PHF2: variants seen among roughly 807,000 people sequenced by gnomAD.
PHF2 encodes the protein lysine-specific demethylase PHF2.
PHF2 carries 27 observed loss-of-function variants against 120.5 expected under a neutral mutation model. That is an observed-to-expected ratio of 0.22 (90% confidence interval 0.17 to 0.31). PHF2 has a LOEUF of 0.31. Among genes scored for constraint, PHF2 ranks in the 10% least tolerant of loss-of-function variants. The probability of loss-of-function intolerance (pLI) is 1.00; values close to 1 mark genes in which losing one functional copy is unlikely to be tolerated. For synonymous variants in PHF2, 568 were observed against 592.5 expected, an observed-to-expected ratio of 0.96 and a Z score of 0.60; for missense variants, 1,024 against 1,434.8, an observed-to-expected ratio of 0.71 and a Z score of 4.63.
chr9:93,679,269 G>A lies in PHF2; in HGVS notation c.*1593G>A. The A allele has an allele frequency of 2.2e-6, 1 of 455,854 alleles. No individual in the cohort carries two copies. The highest frequency in any genetic ancestry group is 4.4e-6 in the Non-Finnish European group (1 of 226,938). 28.2% of individuals were successfully genotyped at this position (455,854 alleles called of 1,614,324 possible). A position where few individuals can be genotyped will look rare whatever the true frequency, so the allele number is the denominator to read the frequency against. ...CTGTTTGGAGGGACGCAGTCCCTAGGGCCCGAGACTGGGTGGGAGAGGGGG... is the reference window on the plus strand; with the variant it reads ...CTGTTTGGAGGGACGCAGTCCCTAGAGCCCGAGACTGGGTGGGAGAGGGGG... On this transcript the variant is annotated 3_prime_UTR_variant, in exon 22 of 22. Transcript: ENST00000359246.
intron 3 of PHF2, among the ~76,000 whole-genome samples, chr9:93,638,897 T>C (rs1451873808): frequency 6.6e-6 from 1 of 152,130 alleles, no homozygotes; most frequent in Non-Finnish European, 1.5e-5. Context: ...TTTTTGTAGT[T>C]TTAGTAGAGA....
chr9:93,638,650 C>T (rs1175069262), intron 3 of PHF2, among the ~76,000 whole-genome samples: 1 of 152,202 alleles, frequency 6.6e-6, no homozygotes, highest in Non-Finnish European at 1.5e-5. Flanking sequence ...ATGCCAGTAC[C>T]ACACAGTCTT....
intron 1 of PHF2, among the ~76,000 whole-genome samples, chr9:93,626,950 A>G (rs1331861799): frequency 6.6e-6 from 1 of 152,252 alleles, no homozygotes; most frequent in Non-Finnish European, 1.5e-5. Context: ...GTCTATCCTT[A>G]TGCCAGTGCC....
chr9:93,619,869 G>T (rs372231592), intron 1 of PHF2, among the ~76,000 whole-genome samples: 4 of 152,266 alleles, frequency 2.6e-5, no homozygotes, highest in African/African-American at 9.6e-5. Context: ...AGGTCCTGGG[G>T]TGACATTTGT....
At chr9:93,674,525 C>A (rs1826872242) in intron 18 of PHF2, among the ~76,000 whole-genome samples, 1 of 152,186 alleles carries the variant, frequency 6.6e-6, no homozygotes, top group Non-Finnish European at 1.5e-5. Flanking sequence ...GGGGTCCCAT[C>A]CTTCCCTGGT....
intron 16 of PHF2, among the ~76,000 whole-genome samples, chr9:93,666,597 C>A (rs1312130729): frequency 6.6e-6 from 1 of 152,244 alleles, no homozygotes; most frequent in Non-Finnish European, 1.5e-5. Context: ...CTCTGTCTGA[C>A]CCCAGCAATG....
At chr9:93,636,636 AAAGCAGG>A (rs1390976737) in intron 3 of PHF2, 111 bp downstream of exon 3, 4 of 842,226 alleles carry the variant, frequency 4.7e-6, no homozygotes, top group South Asian at 1.7e-5. Context: ...TCCTTGCTGG[AAAGCAGG>A]AAGCAGGAAG....
At position 93,675,812 on chromosome 9, in the gene PHF2, C is replaced by T. The variant is rs1262865542; in HGVS notation, c.2832+23C>T. The stretch of plus-strand genomic sequence containing the variant: ...CAGGTGAGGAGGGGCGAGAAGGACA[C>T]ACGGCAGCCAGGTCCCTGCTACCCC... On this transcript the variant is annotated intron_variant, in intron 20 of 21. Coordinates refer to ENST00000359246, the MANE Select transcript of PHF2 (RefSeq NM_005392.4). 2.5e-6 allele frequency: 4 copies of T among 1,574,090 alleles called. No homozygotes were observed. In the East Asian group the frequency reaches 8.9e-5, roughly 35 times the overall value.
chr9:93,629,481 A>G (rs1441736523), intron 1 of PHF2, among the ~76,000 whole-genome samples: 1 of 152,108 alleles, frequency 6.6e-6, no homozygotes, highest in African/African-American at 2.4e-5. Flanking sequence ...GACATGTCCT[A>G]AGGCCAGGCT....
chr9:93,634,872 G>A (rs74421510), intron 2 of PHF2, among the ~76,000 whole-genome samples: 9,197 of 152,248 alleles, frequency 0.06, 388 homozygotes, highest in Non-Finnish European at 0.088. Flanking sequence ...ACCGCACCAG[G>A]TGGCTTTGCC....
At chr9:93,673,523 T>G in intron 17 of PHF2, 62 bp from the exon 18 acceptor site, 1 of 1,457,968 alleles carries the variant, frequency 6.9e-7, no homozygotes, top group African/African-American at 1.4e-5. Flanking sequence ...AGGCTGTTGT[T>G]TAAGTGCCTG....
Position 93,663,049 on chromosome 9 carries a change from C to T in PHF2, c.1818+23C>T, listed in dbSNP as rs1318376113. On this transcript the variant is annotated intron_variant, in intron 13 of 21. Transcript: ENST00000359246. ...AAGGTGAGAAGTGCACATATGCATG[C>T]ACACGTGTGTGTGTCAGCTTGGTGA... 3.1e-6 allele frequency: 5 copies of T among 1,613,582 alleles called. No individual in the cohort carries two copies. In the African/African-American group the frequency reaches 5.3e-5, roughly 17 times the overall value.
At chr9:93,580,184 T>G (rs1309752224) in intron 1 of PHF2, among the ~76,000 whole-genome samples, 1 of 151,830 alleles carries the variant, frequency 6.6e-6, no homozygotes, top group African/African-American at 2.4e-5. Flanking sequence ...ACTCCTGGGG[T>G]GGGGATCCTC....
At chr9:93,603,235 C>T (rs983876949) in intron 1 of PHF2, among the ~76,000 whole-genome samples, 6 of 152,126 alleles carry the variant, frequency 3.9e-5, no homozygotes, top group African/African-American at 7.2e-5. Flanking sequence ...TCTATGATCC[C>T]GGTCTGAGAA....
At chr9:93,645,207 G>A (rs1826235016) in intron 3 of PHF2, among the ~76,000 whole-genome samples, 1 of 152,180 alleles carries the variant, frequency 6.6e-6, no homozygotes, top group Non-Finnish European at 1.5e-5. Context: ...CCCTGCCATG[G>A]GGAGGCACCT....
intron 2 of PHF2, among the ~76,000 whole-genome samples, chr9:93,632,508 G>T (rs1405734928): frequency 6.6e-6 from 1 of 152,190 alleles, no homozygotes; most frequent in Non-Finnish European, 1.5e-5. Flanking sequence ...AGATCAAGGT[G>T]CTGGCTGATT....
chr9:93,672,776 A>G (rs1417710647), intron 17 of PHF2: 1 of 974,606 alleles, frequency 1.0e-6, no homozygotes, highest in East Asian at 1.2e-4. Flanking sequence ...AGATGCAGGT[A>G]TGGGTATAGG....
chr9:93,628,225 CTCTG>C (rs961653584), intron 1 of PHF2, among the ~76,000 whole-genome samples: 21 of 152,174 alleles, frequency 1.4e-4, no homozygotes, highest in African/African-American at 4.3e-4. Context: ...CTTATAGTGT[CTCTG>C]TCTGGCTTTG....
intron 1 of PHF2, among the ~76,000 whole-genome samples, chr9:93,583,889 C>T (rs554107096): frequency 1.7e-4 from 24 of 144,420 alleles, no homozygotes; most frequent in Middle Eastern, 4.1e-3. Flanking sequence ...AGTACAATGG[C>T]GTGATCTCAG....
Sources: allele counts gnomAD v4.1 joint callset (sites outside exome capture counted in the v4.1 genomes callset), GRCh38; gene constraint gnomAD v4.1.1; transcripts MANE v1.5; gene names NCBI Gene and HGNC (gene_info 2026-07-23, HGNC 2026-07-21).